The following NOL4 variants were observed in gnomAD, a reference collection of about 807,000 sequenced individuals.
The protein encoded by NOL4 is nucleolar protein 4, also known as cancer/testis antigen 125.
NOL4 carries 17 observed loss-of-function variants against 75.9 expected under a neutral mutation model. The observed-to-expected ratio is 0.22, with a 90% CI of 0.15 to 0.34. The LOEUF (loss-of-function observed/expected upper bound fraction) is 0.34, where lower values mean the gene tolerates loss of function less well. NOL4 is among the 10% of genes least tolerant of loss of function. The pLI is 1.00. For synonymous variants in NOL4, 292 were observed against 289.9 expected (o/e 1.01, Z -0.07); for missense variants, 614 against 793.5 (o/e 0.77, Z 2.72).
At chr18:34,142,232 G>A (rs890101992) in intron 1 of NOL4, among the ~76,000 whole-genome samples, 2 of 152,170 alleles carry the variant, frequency 1.3e-5, no homozygotes, top group Non-Finnish European at 1.5e-5. Flanking sequence ...AGCTGTTGGC[G>A]GGACTGTAAA....
intron 5 of NOL4, among the ~76,000 whole-genome samples, chr18:34,067,639 C>G (rs1301065819): frequency 6.6e-6 from 1 of 152,124 alleles, no homozygotes; most frequent in African/African-American, 2.4e-5. Flanking sequence ...TTCTGATGCA[C>G]AGAATGATAT....
rs2077896374 is a variant in NOL4, at chr18:34,079,408, C to A, written c.772+14057G>T. Among the ~76,000 whole-genome samples, 7 of 151,768 alleles carry A rather than the reference C, an allele frequency of 4.6e-5. 1 individual carries two copies. In the South Asian group the frequency reaches 1.5e-3, roughly 32 times the overall value. On this transcript the variant is annotated intron_variant, in intron 5 of 10. Transcript: ENST00000261592. Reference sequence around the variant, plus strand: ...CCTCCCAGCTGCTTCTCCTTGCCACCCCATCCTAGGCTGGAGTGTGTATCT... The same window carrying A: ...CCTCCCAGCTGCTTCTCCTTGCCACACCATCCTAGGCTGGAGTGTGTATCT...
chr18:34,127,614 C>A (rs1003156822), intron 2 of NOL4, among the ~76,000 whole-genome samples: 1 of 151,820 alleles, frequency 6.6e-6, no homozygotes, highest in East Asian at 1.9e-4. Context: ...AGCACTAAAC[C>A]GTTCTATTTC....
chr18:33,951,576 C>A (rs2069228129), intron 8 of NOL4, among the ~76,000 whole-genome samples: 1 of 152,006 alleles, frequency 6.6e-6, no homozygotes, highest in African/African-American at 2.4e-5. Context: ...ATTGTAATTT[C>A]TCCTCTGGAA....
At chr18:34,080,123 G>A (rs1753112665) in intron 5 of NOL4, among the ~76,000 whole-genome samples, 1 of 152,190 alleles carries the variant, frequency 6.6e-6, no homozygotes, top group African/African-American at 2.4e-5. Context: ...TGCCTTACAT[G>A]TTCTTGTGCC....
chr18:34,159,894 G>A (rs2031176582), intron 1 of NOL4, among the ~76,000 whole-genome samples: 1 of 152,112 alleles, frequency 6.6e-6, no homozygotes, highest in Admixed American at 6.5e-5. Flanking sequence ...CTCAGCGGGA[G>A]AGGGATGCGG....
chr18:33,913,523 A>G (rs1044595157), intron 9 of NOL4, among the ~76,000 whole-genome samples: 14 of 152,138 alleles, frequency 9.2e-5, no homozygotes, highest in African/African-American at 3.1e-4. Context: ...CCACCTTTTT[A>G]ATAGTTCCAT....
intron 5 of NOL4, among the ~76,000 whole-genome samples, chr18:34,059,507 A>T (rs2076982461): frequency 6.6e-6 from 1 of 152,092 alleles, no homozygotes; most frequent in Non-Finnish European, 1.5e-5. Context: ...GAATGCACCC[A>T]GATTGATAGA....
intron 2 of NOL4, among the ~76,000 whole-genome samples, chr18:34,112,252 C>G (rs1456537355): frequency 6.6e-6 from 1 of 151,606 alleles, no homozygotes; most frequent in Non-Finnish European, 1.5e-5. Flanking sequence ...ACCTGTAATC[C>G]CTGCTACTTG....
rs367769367 is a variant in NOL4, at chr18:34,021,901, G to C, written c.773-2300C>G. Among the ~76,000 whole-genome samples, 48 of 152,108 alleles carry C rather than the reference G, an allele frequency of 3.2e-4. 1 individual carries two copies. In the South Asian group the frequency reaches 9.3e-3, roughly 30 times the overall value. ...GTGGATCACCTGAGGTCAGGAGTTT[G>C]AGACCAGCCTGGCCAACATGGTGAA... is the stretch of plus-strand genomic sequence containing the variant. On this transcript the variant is annotated intron_variant, in intron 5 of 10. Coordinates refer to ENST00000261592, the MANE Select transcript of NOL4 (RefSeq NM_003787.5).
At chr18:33,905,572 G>A (rs1033219765) in intron 9 of NOL4, among the ~76,000 whole-genome samples, 10 of 152,234 alleles carry the variant, frequency 6.6e-5, no homozygotes, top group South Asian at 6.2e-4. Context: ...CAAGTAGTTA[G>A]GATTTCTCAG....
At chr18:34,221,727 T>A (rs2037320413) in intron 1 of NOL4, 1 of 289,042 alleles carries the variant, frequency 3.5e-6, no homozygotes, top group African/African-American at 2.2e-5. Flanking sequence ...CTATTTCTAA[T>A]TAATCTCAGG....
chr18:33,926,833 C>T (rs372594523), intron 9 of NOL4, among the ~76,000 whole-genome samples: 2 of 152,246 alleles, frequency 1.3e-5, no homozygotes, highest in South Asian at 2.1e-4. Flanking sequence ...CTCTTGACCT[C>T]GTGGTCCGCC....
intron 6 of NOL4, among the ~76,000 whole-genome samples, chr18:33,971,261 G>A (rs953167158): frequency 1.3e-5 from 2 of 152,150 alleles, no homozygotes; most frequent in Non-Finnish European, 2.9e-5. Flanking sequence ...AGTTACGTTT[G>A]TTGGTTGAAA....
intron 5 of NOL4, among the ~76,000 whole-genome samples, chr18:34,038,591 G>A (rs1661414602): frequency 6.6e-6 from 1 of 152,024 alleles, no homozygotes; most frequent in South Asian, 2.1e-4. Flanking sequence ...GCAGCAACAT[G>A]GGTGGAACTG....
intron 2 of NOL4, among the ~76,000 whole-genome samples, chr18:34,109,715 T>C (rs1234569426): frequency 1.3e-5 from 2 of 151,588 alleles, no homozygotes; most frequent in Admixed American, 6.6e-5. Flanking sequence ...AAAAGATCAA[T>C]GAAACTTGAG....
At chr18:33,911,117 C>T (rs905951144) in intron 9 of NOL4, among the ~76,000 whole-genome samples, 3 of 151,964 alleles carry the variant, frequency 2.0e-5, no homozygotes, top group Non-Finnish European at 2.9e-5. Context: ...TTTGGCTTTC[C>T]GATTCTTTAT....
intron 1 of NOL4, among the ~76,000 whole-genome samples, chr18:34,134,486 ACACAC>A (rs1287329017): frequency 3.3e-5 from 5 of 150,002 alleles, no homozygotes; most frequent in African/African-American, 1.2e-4. Context: ...ACACACACAC[ACACAC>A]ACACATTGAT....
chr18:34,099,284 AC>A (rs2078930027), intron 4 of NOL4, among the ~76,000 whole-genome samples: 1 of 144,364 alleles, frequency 6.9e-6, no homozygotes, highest in Non-Finnish European at 1.5e-5. Flanking sequence ...AATTGCTTGA[AC>A]CCTTGAGGCG....
Sources: gnomAD v4.1 joint callset for allele counts (sites outside exome capture counted in the v4.1 genomes callset) on GRCh38, gnomAD v4.1.1 for gene constraint, MANE v1.5 for transcripts, NCBI Gene and HGNC (gene_info 2026-07-23, HGNC 2026-07-21) for gene names.